BNC2: variants seen among roughly 807,000 people sequenced by gnomAD.
BNC2 encodes the protein basonuclin zinc finger protein 2, also known as zinc finger protein basonuclin-2.
BNC2 carries 20 observed loss-of-function variants against 76.3 expected under a neutral mutation model. The ratio of observed to expected loss-of-function variants is 0.26; its 90% confidence interval spans 0.18 to 0.38. The LOEUF is 0.38. Among genes scored for constraint, BNC2 ranks in the 10% least tolerant of loss-of-function variants. BNC2 has a pLI of 1.00. For synonymous variants in BNC2, 582 were observed against 514.8 expected, an observed-to-expected ratio of 1.13 and a Z score of -1.77; for missense variants, 1,382 against 1,399.8, an observed-to-expected ratio of 0.99 and a Z score of 0.20.
At chr9:16,782,868 A>G (rs531202795) in intron 1 of BNC2, among the ~76,000 whole-genome samples, 50 of 152,346 alleles carry the variant, frequency 3.3e-4, no homozygotes, top group Admixed American at 5.9e-4. Flanking sequence ...GAAAAAGTGA[A>G]TGTATTAATG....
At position 16,494,120 on chromosome 9, in the gene BNC2, C is replaced by T. The variant is rs187819340; in HGVS notation, c.670-56596G>A. On this transcript the variant is annotated intron_variant, in intron 5 of 6. Coordinates refer to ENST00000380672, the MANE Select transcript of BNC2 (RefSeq NM_017637.6). ...TCCTGGTGGAAGAGAAACAGACACACTAAATAAAATACGAAATATATTAGA... is the reference window on the plus strand; with the variant it reads ...TCCTGGTGGAAGAGAAACAGACACATTAAATAAAATACGAAATATATTAGA... Among the ~76,000 whole-genome samples the T allele has an allele frequency of 6.6e-3, 1,008 of 152,262 alleles. 11 individuals are homozygous for T. Among genetic ancestry groups the T allele is most frequent in the African/African-American group, 0.023 (967 of 41,548 alleles).
chr9:16,534,122 C>A (rs917263234), intron 5 of BNC2, among the ~76,000 whole-genome samples: 1 of 152,130 alleles, frequency 6.6e-6, no homozygotes, highest in Non-Finnish European at 1.5e-5. Flanking sequence ...AGAAATATTA[C>A]TCAATGCAAA....
intron 4 of BNC2, among the ~76,000 whole-genome samples, chr9:16,569,558 A>G (rs890735621): frequency 6.6e-6 from 1 of 152,162 alleles, no homozygotes; most frequent in South Asian, 2.1e-4. Context: ...GAAAAGCATT[A>G]AAGTCTGACT....
chr9:16,494,636 T>C (rs1241151155), intron 5 of BNC2, among the ~76,000 whole-genome samples: 1 of 152,142 alleles, frequency 6.6e-6, no homozygotes, highest in Non-Finnish European at 1.5e-5. Context: ...GAAGCCAGTG[T>C]GACCAAAGTT....
At position 16,812,557 on chromosome 9, in the gene BNC2, T is replaced by C. The variant is rs996852729; in HGVS notation, c.3+58089A>G. On this transcript the variant is annotated intron_variant, in intron 1 of 6. Coordinates refer to ENST00000380672, the MANE Select transcript of BNC2 (RefSeq NM_017637.6). ...GGCAGAGATGCAATTGAGGCTTTTGTTTTACTTCACACCAGGGGGAAGTCA... is the reference window on the plus strand; with the variant it reads ...GGCAGAGATGCAATTGAGGCTTTTGCTTTACTTCACACCAGGGGGAAGTCA... Among the ~76,000 whole-genome samples, 3 of 152,330 alleles carry C rather than the reference T, an allele frequency of 2.0e-5. No individual in the cohort carries two copies. In the South Asian group the frequency reaches 6.2e-4, roughly 32 times the overall value.
At chr9:16,727,118 G>C (rs1202347532) in intron 3 of BNC2, 2 of 152,798 alleles carry the variant, frequency 1.3e-5, no homozygotes, top group Admixed American at 6.5e-5. Context: ...TGAGTGCGCC[G>C]GCGGGCCGGC....
intron 5 of BNC2, among the ~76,000 whole-genome samples, chr9:16,527,533 G>A (rs982176730): frequency 2.6e-5 from 4 of 152,098 alleles, no homozygotes; most frequent in African/African-American, 7.2e-5. Context: ...CAAGTATATG[G>A]CTGCTGGGGT....
At chr9:16,441,524 G>T (rs1414012864) in intron 5 of BNC2, among the ~76,000 whole-genome samples, 1 of 152,158 alleles carries the variant, frequency 6.6e-6, no homozygotes, top group East Asian at 1.9e-4. Flanking sequence ...TTTTTCTGAA[G>T]ATCTTTGTGA....
intron 3 of BNC2, among the ~76,000 whole-genome samples, chr9:16,709,150 T>C (rs890105105): frequency 1.3e-5 from 2 of 151,848 alleles, no homozygotes; most frequent in African/African-American, 4.8e-5. Flanking sequence ...TGGGCTGAAG[T>C]GTTGGTGGGG....
At chr9:16,589,119 T>C (rs1819850301) in intron 3 of BNC2, among the ~76,000 whole-genome samples, 2 of 152,146 alleles carry the variant, frequency 1.3e-5, no homozygotes, top group Non-Finnish European at 2.9e-5. Flanking sequence ...AAAACAACTA[T>C]TCACAAGGAG....
intron 3 of BNC2, among the ~76,000 whole-genome samples, chr9:16,632,797 C>T (rs1267377301): frequency 1.3e-5 from 2 of 152,156 alleles, no homozygotes; most frequent in East Asian, 1.9e-4. Flanking sequence ...TTTGATGAGT[C>T]AAATTTTAGC....
intron 1 of BNC2, among the ~76,000 whole-genome samples, chr9:16,825,044 CTTT>C (rs56055394): frequency 1.3e-5 from 2 of 148,878 alleles, no homozygotes; most frequent in African/African-American, 4.9e-5. Flanking sequence ...TCTTACCCCT[CTTT>C]TTTTTTTCTT....
intron 1 of BNC2, among the ~76,000 whole-genome samples, chr9:16,778,769 C>G (rs1356642212): frequency 6.6e-6 from 1 of 151,950 alleles, no homozygotes; most frequent in East Asian, 1.9e-4. Context: ...TCTCAGATGC[C>G]CAAACAACTT....
chr9:16,757,377 C>T (rs1177962705), intron 1 of BNC2, among the ~76,000 whole-genome samples: 5 of 152,208 alleles, frequency 3.3e-5, no homozygotes, highest in Admixed American at 3.3e-4. Context: ...ATCACCACTA[C>T]TTTCTGGCTA....
intron 1 of BNC2, among the ~76,000 whole-genome samples, chr9:16,778,121 T>C (rs1334388233): frequency 6.6e-6 from 1 of 152,216 alleles, no homozygotes; most frequent in Non-Finnish European, 1.5e-5. Context: ...CTCTATTTTC[T>C]GCATTTTCCT....
chr9:16,488,106 T>C (rs1822203770), intron 5 of BNC2, among the ~76,000 whole-genome samples: 1 of 152,190 alleles, frequency 6.6e-6, no homozygotes, highest in African/African-American at 2.4e-5. Context: ...AAGGCACCGT[T>C]TCCCCTCGCC....
At chr9:16,605,010 C>T (rs2133349067) in intron 3 of BNC2, among the ~76,000 whole-genome samples, 1 of 152,172 alleles carries the variant, frequency 6.6e-6, no homozygotes, top group South Asian at 2.1e-4. Flanking sequence ...AAATAGAGCA[C>T]CAACTTTCTT....
intron 3 of BNC2, among the ~76,000 whole-genome samples, chr9:16,595,509 T>C (rs1244844721): frequency 2.6e-5 from 4 of 152,138 alleles, no homozygotes; most frequent in Non-Finnish European, 1.5e-5. Context: ...CTAGAGTCAC[T>C]GGAATTTTTC....
intron 1 of BNC2, among the ~76,000 whole-genome samples, chr9:16,795,877 G>C (rs549841826): frequency 4.1e-4 from 62 of 152,216 alleles, no homozygotes; most frequent in African/African-American, 1.5e-3. Context: ...GAGGATGGGA[G>C]GTAAAGGTCA....
Sources: gnomAD v4.1 joint callset for allele counts (sites outside exome capture counted in the v4.1 genomes callset) on GRCh38, gnomAD v4.1.1 for gene constraint, MANE v1.5 for transcripts, NCBI Gene and HGNC (gene_info 2026-07-23, HGNC 2026-07-21) for gene names.